Variants in EFCAB6 observed in about 807,000 individuals in gnomAD.
EFCAB6 encodes EF-hand calcium-binding domain-containing protein 6.
Under a neutral mutation model 169.8 loss-of-function variants are expected in EFCAB6, and 156 were observed. The observed-to-expected ratio is 0.92, with a 90% CI of 0.81 to 1.05. EFCAB6 has a LOEUF of 1.05. Among genes scored for constraint, EFCAB6 ranks in the 50% least tolerant of loss-of-function variants. The pLI is 0.00. For synonymous variants in EFCAB6, 698 were observed against 676.4 expected (o/e 1.03, Z -0.50); for missense variants, 1,800 against 1,829.1 (o/e 0.98, Z 0.29).
chr22:43,804,444 AAGT>A (rs1323133066), intron 2 of EFCAB6, among the ~76,000 whole-genome samples: 1 of 152,120 alleles, frequency 6.6e-6, no homozygotes, highest in Non-Finnish European at 1.5e-5. Context: ...GCAAACCCAA[AAGT>A]AGTAGAAGGA....
At chr22:43,534,259 TC>T (rs1360864363) in intron 30 of EFCAB6, among the ~76,000 whole-genome samples, 3 of 152,152 alleles carry the variant, frequency 2.0e-5, no homozygotes, top group Admixed American at 2.0e-4. Flanking sequence ...ATTTGGCAGT[TC>T]CCACTTCACT....
chr22:43,802,645 G>C, intron 2 of EFCAB6: 1 of 490,094 alleles, frequency 2.0e-6, no homozygotes, highest in Non-Finnish European at 4.0e-6. Flanking sequence ...CCCCTACAAA[G>C]AAGAGAGAGA....
intron 27 of EFCAB6, among the ~76,000 whole-genome samples, chr22:43,547,176 G>C (rs1471731170): frequency 1.3e-5 from 2 of 152,152 alleles, no homozygotes; most frequent in Non-Finnish European, 2.9e-5. Context: ...GGGAAAATCG[G>C]AGTTAGGGCA....
At chr22:43,652,954 A>C (rs545087718) in intron 17 of EFCAB6, among the ~76,000 whole-genome samples, 3 of 152,344 alleles carry the variant, frequency 2.0e-5, no homozygotes, top group African/African-American at 7.2e-5. Flanking sequence ...TACTAAAATT[A>C]AGAACTCGGT....
At chr22:43,566,188 T>G (rs997125290) in intron 26 of EFCAB6, among the ~76,000 whole-genome samples, 2 of 152,166 alleles carry the variant, frequency 1.3e-5, no homozygotes, top group Non-Finnish European at 2.9e-5. Flanking sequence ...GCCCAGGTTA[T>G]TGCCTGATGG....
intron 2 of EFCAB6, among the ~76,000 whole-genome samples, chr22:43,786,184 G>A (rs993904611): frequency 1.3e-4 from 19 of 151,828 alleles, no homozygotes; most frequent in African/African-American, 4.6e-4. Flanking sequence ...CCAACGTGGC[G>A]AAACCCCGTT....
At chr22:43,674,679 G>A (rs1024970226) in intron 13 of EFCAB6, among the ~76,000 whole-genome samples, 4 of 152,160 alleles carry the variant, frequency 2.6e-5, no homozygotes, top group Non-Finnish European at 5.9e-5. Flanking sequence ...ACGTGTCTAC[G>A]TTTTGTTTTT....
intron 21 of EFCAB6, among the ~76,000 whole-genome samples, chr22:43,609,767 A>G (rs1282738040): frequency 1.3e-5 from 2 of 152,260 alleles, no homozygotes; most frequent in Admixed American, 1.3e-4. Flanking sequence ...CTTGAAGAAC[A>G]AGGTAGAGGG....
At chr22:43,806,174 A>G (rs2062912169) in intron 2 of EFCAB6, among the ~76,000 whole-genome samples, 1 of 68,048 alleles carries the variant, frequency 1.5e-5, no homozygotes, top group Non-Finnish European at 2.9e-5. Flanking sequence ...AAAAGAAAAG[A>G]GAGGAGAGGA....
At chr22:43,682,552 G>A (rs529416069) in intron 12 of EFCAB6, among the ~76,000 whole-genome samples, 6 of 152,272 alleles carry the variant, frequency 3.9e-5, no homozygotes, top group African/African-American at 1.4e-4. Flanking sequence ...TTTCCCACGC[G>A]GCTCAGCCAG....
In EFCAB6 at chr22:43,542,765, G is replaced by A. The variant is rs146962623; in HGVS notation, c.3649-2408C>T. Among the ~76,000 whole-genome samples, 1,394 of 152,210 alleles carry A rather than the reference G, an allele frequency of 9.2e-3. 25 individuals are homozygous for A. The highest frequency in any genetic ancestry group is 0.032 in the African/African-American group (1,325 of 41,498). Reference sequence around the variant, plus strand: ...CACCTAGAACACCAATGGGCCTAACGGCACCAGGATGGGGGCTGAAGGGCA... The same window carrying A: ...CACCTAGAACACCAATGGGCCTAACAGCACCAGGATGGGGGCTGAAGGGCA... On this transcript the variant is annotated intron_variant, in intron 27 of 31. Coordinates refer to ENST00000262726, the MANE Select transcript of EFCAB6 (RefSeq NM_022785.4).
In EFCAB6 at chr22:43,683,761, G is replaced by A. The variant is rs375945803; in HGVS notation, c.1237C>T (p.Leu413=). Reference sequence around the variant, plus strand: ...CAAAATCTTACAGTGTTGATTATCAGTAATGCTTTCTTCAGTGACGCAGAG... The same window carrying A: ...CAAAATCTTACAGTGTTGATTATCAATAATGCTTTCTTCAGTGACGCAGAG... The part of the protein sequence containing the change: ...DHSASLKKAL[L]IINTKPDGPI... The change falls in exon 12 of 32, where the codon CTG becomes TTG. Residue 413 remains leucine, a synonymous_variant. Transcript: ENST00000262726. The A allele has an allele frequency of 6.2e-7, 1 of 1,610,184 alleles. No homozygotes were observed.
Position 43,672,046 on chromosome 22 carries a change from G to T in EFCAB6, c.1567C>A (p.Arg523Ser), listed in dbSNP as rs34666823. Residue 523 changes from arginine to serine, a missense_variant, in exon 15 of 32, where the codon CGC becomes AGC. Arg to Ser is a moderately radical substitution (Grantham distance 110, BLOSUM62 -1). Transcript: ENST00000262726. ...LRSYDLGDTGRIGRNNFKKIM... is the reference protein window; with the variant it reads ...LRSYDLGDTGSIGRNNFKKIM... ...TTCTTGAAATTATTTCGGCCAATGCGCCCTGTGTCTCCAAGGTCATATGAG... is the reference window on the plus strand; with the variant it reads ...TTCTTGAAATTATTTCGGCCAATGCTCCCTGTGTCTCCAAGGTCATATGAG... 1 of 1,614,004 alleles carries T rather than the reference G, an allele frequency of 6.2e-7. No homozygotes were observed. Among genetic ancestry groups the T allele is most frequent in the African/African-American group, 1.3e-5 (1 of 74,904 alleles).
intron 2 of EFCAB6, among the ~76,000 whole-genome samples, chr22:43,788,653 T>C (rs749517769): frequency 2.6e-5 from 4 of 152,194 alleles, no homozygotes; most frequent in Non-Finnish European, 5.9e-5. Flanking sequence ...GTACAGATGC[T>C]TTGGAATAGA....
chr22:43,680,950 T>C (rs1159857406), intron 12 of EFCAB6, among the ~76,000 whole-genome samples: 2 of 152,186 alleles, frequency 1.3e-5, no homozygotes, highest in African/African-American at 4.8e-5. Flanking sequence ...TGATGCCTTT[T>C]ATTTCTTTTT....
intron 17 of EFCAB6, among the ~76,000 whole-genome samples, chr22:43,644,450 T>C (rs752637756): frequency 4.6e-5 from 7 of 152,158 alleles, no homozygotes; most frequent in Non-Finnish European, 8.8e-5. Flanking sequence ...ACAATTTAAA[T>C]CACTCCCACA....
chr22:43,590,316 C>G, intron 23 of EFCAB6, 87 bp from the exon 24 acceptor site: 2 of 1,481,180 alleles, frequency 1.4e-6, no homozygotes, highest in African/African-American at 2.8e-5. Flanking sequence ...TATTCTAATG[C>G]AATGAGCTGA....
chr22:43,570,729 T>C (rs1030845363), intron 26 of EFCAB6, among the ~76,000 whole-genome samples: 1 of 152,092 alleles, frequency 6.6e-6, no homozygotes, highest in Non-Finnish European at 1.5e-5. Flanking sequence ...TGAAAGGGGA[T>C]GTGATGGCTT....
intron 22 of EFCAB6, among the ~76,000 whole-genome samples, chr22:43,608,141 A>G (rs935169021): frequency 6.6e-6 from 1 of 152,182 alleles, no homozygotes; most frequent in African/African-American, 2.4e-5. Flanking sequence ...GAGTTATATT[A>G]GAGTTAAGTC....
Sources: allele counts gnomAD v4.1 joint callset (sites outside exome capture counted in the v4.1 genomes callset), GRCh38; gene constraint gnomAD v4.1.1; transcripts MANE v1.5; gene names NCBI Gene and HGNC (gene_info 2026-07-23, HGNC 2026-07-21).